ARHGAP26: variants seen among roughly 807,000 people sequenced by gnomAD.
The protein encoded by ARHGAP26 is rho GTPase-activating protein 26.
ARHGAP26 carries 38 observed loss-of-function variants against 104.8 expected under a neutral mutation model. The observed-to-expected ratio is 0.36, with a 90% CI of 0.28 to 0.48. ARHGAP26 has a LOEUF of 0.48. Ranked by LOEUF, ARHGAP26 falls within the 20% of genes least tolerant of loss-of-function variation. The pLI, the probability that ARHGAP26 is intolerant of heterozygous loss-of-function variation, is 0.99. For missense variants in ARHGAP26, 704 were observed against 947.9 expected, an observed-to-expected ratio of 0.74 and a Z score of 3.38; for synonymous variants, 341 against 340.0, an observed-to-expected ratio of 1.00 and a Z score of -0.03.
rs1294957509 is a variant in ARHGAP26 at position 143,223,883 on chromosome 5, T to A, written c.*1437T>A. The A allele has an allele frequency of 4.3e-6, 1 of 231,328 alleles. No homozygotes were observed. Among genetic ancestry groups the A allele is most frequent in the Non-Finnish European group, 8.6e-6 (1 of 116,726 alleles). The allele number at this position is 231,328 out of a possible 1,614,324, so 14.3% of individuals were successfully genotyped here. The stretch of plus-strand genomic sequence containing the variant: ...GGAAGTACTACCTGGAGATTTCAAA[T>A]TCACTTGGCCTGCAAACAACAGAGT... On this transcript the variant is annotated 3_prime_UTR_variant, in exon 23 of 23. Coordinates refer to ENST00000645722, the MANE Select transcript of ARHGAP26 (RefSeq NM_001135608.3).
chr5:143,147,483 G>C, intron 20 of ARHGAP26, 102 bp downstream of exon 20: 5 of 1,377,306 alleles, frequency 3.6e-6, no homozygotes, highest in Non-Finnish European at 4.9e-6. Context: ...ATTATCCCCT[G>C]AACATTATTT....
At chr5:142,781,751 G>A (rs987285347) in intron 1 of ARHGAP26, among the ~76,000 whole-genome samples, 1 of 152,096 alleles carries the variant, frequency 6.6e-6, no homozygotes, top group Non-Finnish European at 1.5e-5. Flanking sequence ...TCTCTCTGTT[G>A]CCCAGGCTGG....
intron 12 of ARHGAP26, among the ~76,000 whole-genome samples, chr5:143,027,348 C>CTTT (rs34130538): frequency 7.5e-6 from 1 of 133,332 alleles, no homozygotes. Context: ...ATTTTTTTTT[C>CTTT]TTTTTTTTTT....
At chr5:142,922,686 G>A (rs1763361316) in intron 10 of ARHGAP26, among the ~76,000 whole-genome samples, 1 of 152,088 alleles carries the variant, frequency 6.6e-6, no homozygotes, top group African/African-American at 2.4e-5. Context: ...TATTTAGGAT[G>A]GTGCAGAAAA....
chr5:142,772,050 G>C (rs1368560529), intron 1 of ARHGAP26, among the ~76,000 whole-genome samples: 3 of 152,216 alleles, frequency 2.0e-5, no homozygotes, highest in Admixed American at 6.5e-5. Context: ...TTCTTAGTAG[G>C]TGATACCTTT....
At chr5:143,012,288 C>T (rs1381683449) in intron 11 of ARHGAP26, among the ~76,000 whole-genome samples, 1 of 151,284 alleles carries the variant, frequency 6.6e-6, no homozygotes, top group Non-Finnish European at 1.5e-5. Flanking sequence ...CAAAGACCTT[C>T]TTGGGCGACT....
intron 9 of ARHGAP26, among the ~76,000 whole-genome samples, chr5:142,909,041 T>C (rs888741391): frequency 1.3e-5 from 2 of 152,246 alleles, no homozygotes; most frequent in Non-Finnish European, 2.9e-5. Context: ...AATCTATTGC[T>C]TGGGAGGTTT....
intron 10 of ARHGAP26, among the ~76,000 whole-genome samples, chr5:142,929,230 G>A (rs1598283052): frequency 6.6e-6 from 1 of 152,060 alleles, no homozygotes; most frequent in Non-Finnish European, 1.5e-5. Context: ...CACTGCGCCC[G>A]GCCTATCCTC....
chr5:143,116,178 T>C (rs1795415200), intron 17 of ARHGAP26, among the ~76,000 whole-genome samples: 2 of 152,234 alleles, frequency 1.3e-5, no homozygotes, highest in South Asian at 2.1e-4. Context: ...GCTACTATTA[T>C]AGAGTTATTA....
At chr5:142,899,720 G>T (rs1562042062) in intron 6 of ARHGAP26, among the ~76,000 whole-genome samples, 1 of 152,074 alleles carries the variant, frequency 6.6e-6, no homozygotes, top group South Asian at 2.1e-4. Flanking sequence ...TGTTGGGGGT[G>T]GGGGAGAGAA....
chr5:143,196,079 G>A (rs1333111133), intron 20 of ARHGAP26, among the ~76,000 whole-genome samples: 1 of 152,020 alleles, frequency 6.6e-6, no homozygotes, highest in Non-Finnish European at 1.5e-5. Context: ...GCTTGAACGT[G>A]TATTAAAAAG....
chr5:143,083,254 A>G (rs1234578763), intron 17 of ARHGAP26, among the ~76,000 whole-genome samples: 1 of 152,218 alleles, frequency 6.6e-6, no homozygotes, highest in Non-Finnish European at 1.5e-5. Flanking sequence ...TGATCCTAAA[A>G]TTCCGGCTGT....
intron 4 of ARHGAP26, among the ~76,000 whole-genome samples, chr5:142,883,269 A>C (rs547407512): frequency 6.6e-6 from 1 of 152,040 alleles, no homozygotes; most frequent in African/African-American, 2.4e-5. Context: ...CTCCTTTTGG[A>C]GTTGCTGATA....
chr5:142,999,432 A>C (rs897205185), intron 11 of ARHGAP26, among the ~76,000 whole-genome samples: 1 of 152,144 alleles, frequency 6.6e-6, no homozygotes, highest in Non-Finnish European at 1.5e-5. Flanking sequence ...TAATATGAGA[A>C]CTGTTTTGGG....
Position 143,207,311 on chromosome 5 carries a change from C to T in ARHGAP26, c.2099+3C>T, listed in dbSNP as rs1215760366. The T allele has an allele frequency of 1.2e-6, 2 of 1,614,080 alleles. No individual in the cohort carries two copies. The highest frequency in any genetic ancestry group is 1.7e-6 in the Non-Finnish European group (2 of 1,180,038). On this transcript the variant is annotated splice_donor_region_variant and intron_variant, in intron 21 of 22. Coordinates refer to ENST00000645722, the MANE Select transcript of ARHGAP26 (RefSeq NM_001135608.3). ...TCCAGCGACTCATCCCCCGTCAGGTCTGTTGCAGGGTTTGTTTGGTTTTCT... is the reference window on the plus strand; with the variant it reads ...TCCAGCGACTCATCCCCCGTCAGGTTTGTTGCAGGGTTTGTTTGGTTTTCT...
chr5:143,113,304 T>A (rs1246993661), intron 17 of ARHGAP26, among the ~76,000 whole-genome samples: 1 of 152,226 alleles, frequency 6.6e-6, no homozygotes, highest in Non-Finnish European at 1.5e-5. Flanking sequence ...ACCTAAGTAA[T>A]ACTGAGCAGT....
rs1562163912 is a variant in ARHGAP26 at position 142,963,163 on chromosome 5, G to GATATATATAT, written c.1107+31038_1107+31039insATATATATAT. Among the ~76,000 whole-genome samples the GATATATATAT allele has an allele frequency of 9.7e-4, 109 of 112,116 alleles. 3 individuals carry two copies. The highest frequency in any genetic ancestry group is 2.7e-3 in the African/African-American group (61 of 22,994). 73.6% of individuals were successfully genotyped at this position (112,116 alleles called of 152,430 possible). On this transcript the variant is annotated intron_variant, in intron 11 of 22. Coordinates refer to ENST00000645722, the MANE Select transcript of ARHGAP26 (RefSeq NM_001135608.3). ...TTTTTATGGCTGTGTAGTATTCCAT[G>GATATATATAT]GTATATATGTATATATATATATATA...
chr5:142,808,957 A>G (rs1763555895), intron 1 of ARHGAP26, among the ~76,000 whole-genome samples: 1 of 151,990 alleles, frequency 6.6e-6, no homozygotes, highest in Non-Finnish European at 1.5e-5. Context: ...CCTTTCTAAT[A>G]CTCTGGCACC....
chr5:143,014,306 G>A (rs1449348251), intron 12 of ARHGAP26, 190 bp downstream of exon 12: 21 of 626,234 alleles, frequency 3.4e-5, no homozygotes, highest in Non-Finnish European at 4.9e-5. Flanking sequence ...AAGTGAGCCT[G>A]GCTGGCAAGG....
Sources: allele counts gnomAD v4.1 joint callset (sites outside exome capture counted in the v4.1 genomes callset), GRCh38; gene constraint gnomAD v4.1.1; transcripts MANE v1.5; gene names NCBI Gene and HGNC (gene_info 2026-07-23, HGNC 2026-07-21).